The following ZAR1L variants were observed in gnomAD, a reference collection of about 807,000 sequenced individuals.
ZAR1L encodes protein ZAR1-like.
In ZAR1L, 16 loss-of-function variants were observed where a neutral mutation model predicts 30.0. That is an observed-to-expected ratio of 0.53 (90% CI 0.36 to 0.81). ZAR1L has a LOEUF of 0.81. Among genes scored for constraint, ZAR1L ranks in the 30% least tolerant of loss-of-function variants. The pLI, the probability that ZAR1L is intolerant of heterozygous loss-of-function variation, is 0.00. For missense variants in ZAR1L, 392 were observed against 417.2 expected (o/e 0.94, Z 0.53); for synonymous variants, 197 against 166.8 (o/e 1.18, Z -1.40).
At chr13:32,304,163 G>A in intron 5 of ZAR1L, 141 bp from the exon 6 acceptor site, 1 of 771,342 alleles carries the variant, frequency 1.3e-6, no homozygotes, top group East Asian at 2.9e-5. Context: ...CCAAGACCAA[G>A]TTGTACAAAA....
At chr13:32,310,379 A>G (rs1027509734) in intron 4 of ZAR1L, among the ~76,000 whole-genome samples, 2 of 152,250 alleles carry the variant, frequency 1.3e-5, no homozygotes, top group African/African-American at 4.8e-5. Context: ...AAAACTTCCA[A>G]TGTAGACAAG....
At position 32,312,007 on chromosome 13, in the gene ZAR1L, C is replaced by T; in HGVS notation, c.-82G>A. ...ATTTTGCCTTCCTCCTTCATCCGCC[C>T]CTTCTTTCTCTTCATCAGGTTGGTT... On this transcript the variant is annotated 5_prime_UTR_variant, in exon 3 of 6. Transcript: ENST00000533490. The T allele has an allele frequency of 1.4e-6, 2 of 1,401,650 alleles. No individual in the cohort carries two copies. The highest frequency in any genetic ancestry group is 1.9e-6 in the Non-Finnish European group (2 of 1,056,190). The allele number at this position is 1,401,650 out of a possible 1,614,324, so 86.8% of individuals were successfully genotyped here. A position where few individuals can be genotyped will look rare whatever the true frequency, so the allele number is the denominator to read the frequency against.
At chr13:32,304,115 A>C in intron 5 of ZAR1L, 93 bp from the exon 6 acceptor site, 1 of 1,338,038 alleles carries the variant, frequency 7.5e-7, no homozygotes, top group Non-Finnish European at 9.9e-7. Context: ...CTATTACCCT[A>C]TCCCTGAAAC....
chr13:32,308,545 CATTGTTCTAAAATGTAACATCTCA>C, intron 5 of ZAR1L, 117 bp downstream of exon 5: 1 of 613,970 alleles, frequency 1.6e-6, no homozygotes, highest in African/African-American at 1.9e-5. Flanking sequence ...TTTATGCTTT[CATTGTTCTAAAATGTAACATCTCA>C]AACATACAGA....
At chr13:32,309,241 C>T (rs2072196855) in intron 4 of ZAR1L, among the ~76,000 whole-genome samples, 1 of 152,094 alleles carries the variant, frequency 6.6e-6, no homozygotes, top group African/African-American at 2.4e-5. Flanking sequence ...ATCTACCCAC[C>T]TCGGCCTCCC....
At chr13:32,304,862 G>A (rs206137) in intron 5 of ZAR1L, among the ~76,000 whole-genome samples, 4,763 of 148,948 alleles carry the variant, frequency 0.032, 116 homozygotes, top group Non-Finnish European at 0.048. Context: ...AGTCTGGAGT[G>A]CAGTGGTGAG....
chr13:32,304,959 G>A (rs1283072466), intron 5 of ZAR1L, among the ~76,000 whole-genome samples: 3 of 151,784 alleles, frequency 2.0e-5, no homozygotes, highest in Admixed American at 6.6e-5. Flanking sequence ...ACAGGCAATC[G>A]CCACTATGCC....
chr13:32,310,560 C>A (rs2072205067), intron 4 of ZAR1L, 79 bp downstream of exon 4: 3 of 969,232 alleles, frequency 3.1e-6, no homozygotes, highest in South Asian at 2.8e-5. Flanking sequence ...CAGCCATGCT[C>A]CCTCAGGAAT....
intron 5 of ZAR1L, among the ~76,000 whole-genome samples, chr13:32,305,249 CAG>C (rs1325693889): frequency 6.7e-6 from 1 of 150,276 alleles, no homozygotes; most frequent in African/African-American, 2.5e-5. Flanking sequence ...TTTTTTGAGA[CAG>C]AGTCTCGCTC....
At chr13:32,313,886 G>A (rs2072231021) in intron 2 of ZAR1L, among the ~76,000 whole-genome samples, 1 of 152,094 alleles carries the variant, frequency 6.6e-6, no homozygotes, top group Non-Finnish European at 1.5e-5. Flanking sequence ...CATGCCACGG[G>A]TTCTCATTAG....
chr13:32,311,415 G>C lies in ZAR1L; in HGVS notation c.511C>G (p.Arg171Gly). The change falls in exon 3 of 6, where the codon CGG (arginine) becomes GGG (glycine). Residue 171 changes from arginine to glycine, a missense_variant. Transcript: ENST00000533490. ...AEASQPQPPS[R>G]RSGADRQEEP... ...TCCTGCCTGTCAGCTCCTGACCTCC[G>C]TGATGGTGGCTGCGGCTGGCTGGCC... 1.9e-6 allele frequency: 3 copies of C among 1,550,046 alleles called. No homozygotes were observed. The highest frequency in any genetic ancestry group is 2.6e-6 in the Non-Finnish European group (3 of 1,146,926).
chr13:32,303,932 T>C lies in ZAR1L; in HGVS notation c.913A>G (p.Lys305Glu). 1 of 1,551,942 alleles carries C rather than the reference T, an allele frequency of 6.4e-7. No individual in the cohort carries two copies. ...TTGCCACAGGAGAATCTCTTGTCTTTGCAGCGACCACACAGTTCCTGTCGA... is the reference window on the plus strand; with the variant it reads ...TTGCCACAGGAGAATCTCTTGTCTTCGCAGCGACCACACAGTTCCTGTCGA... ...PHRQELCGRC[K>E]DKRFSCGNIY... The change falls in exon 6 of 6, where the codon AAA (lysine) becomes GAA (glutamate). Residue 305 changes from lysine (K) to glutamate (E), a missense_variant. By Grantham distance (56) the Lys-to-Glu change is moderately conservative. Coordinates refer to ENST00000533490, the MANE Select transcript of ZAR1L (RefSeq NM_001136571.2).
chr13:32,310,281 A>G (rs1336399112), intron 4 of ZAR1L, among the ~76,000 whole-genome samples: 2 of 152,272 alleles, frequency 1.3e-5, no homozygotes, highest in Non-Finnish European at 2.9e-5. Context: ...TTTTTCACTT[A>G]TTGCCCCACC....
intron 5 of ZAR1L, among the ~76,000 whole-genome samples, chr13:32,306,655 G>T (rs372168174): frequency 6.6e-6 from 1 of 152,190 alleles, no homozygotes; most frequent in African/African-American, 2.4e-5. Flanking sequence ...CCAAGGCTGG[G>T]CGTGACGGCT....
At chr13:32,308,634 C>T in intron 5 of ZAR1L, 52 bp downstream of exon 5, 1 of 1,334,856 alleles carries the variant, frequency 7.5e-7, no homozygotes, top group Non-Finnish European at 1.0e-6. Flanking sequence ...GTCACAGAGG[C>T]TTCATTTTAG....
chr13:32,312,225 C>T (rs2072218959), intron 2 of ZAR1L, 132 bp from the exon 3 acceptor site: 1 of 361,648 alleles, frequency 2.8e-6, no homozygotes, highest in African/African-American at 2.1e-5. Flanking sequence ...AGCTTATTCA[C>T]ACATATGCTT....
In ZAR1L at chr13:32,311,629, C is replaced by T. The variant is rs775464916; in HGVS notation, c.297G>A (p.Val99=). Reference sequence around the variant, plus strand: ...CCAGAGAGCACTGCACAGCCTTGTCCACCCGCGGGCTCACCTGCACGCCCA... The same window carrying T: ...CCAGAGAGCACTGCACAGCCTTGTCTACCCGCGGGCTCACCTGCACGCCCA... ...KEVGVQVSPR[V]DKAVQCSLGP... The change falls in exon 3 of 6, where the codon GTG becomes GTA. Residue 99 remains valine (V), a synonymous_variant. Coordinates refer to ENST00000533490, the MANE Select transcript of ZAR1L (RefSeq NM_001136571.2). 9.0e-6 allele frequency: 14 copies of T among 1,551,082 alleles called. No individual in the cohort carries two copies. The highest frequency in any genetic ancestry group is 1.2e-5 in the Non-Finnish European group (14 of 1,146,948).
rs1300285362 is a variant in ZAR1L at position 32,311,944 on chromosome 13, G to C, written c.-19C>G. Reference sequence around the variant, plus strand: ...GCTCCATCCGCTCTCAGGTGCTCAGGCGCAGTCTAATATCCTAGCCAGTTT... The same window carrying C: ...GCTCCATCCGCTCTCAGGTGCTCAGCCGCAGTCTAATATCCTAGCCAGTTT... On this transcript the variant is annotated 5_prime_UTR_variant, in exon 3 of 6. Transcript: ENST00000533490. The C allele has an allele frequency of 5.9e-6, 9 of 1,532,050 alleles. No individual in the cohort carries two copies. The East Asian group carries it at 2.0e-4, about 33-fold the overall frequency. 94.9% of individuals were successfully genotyped at this position (1,532,050 alleles called of 1,614,324 possible).
chr13:32,310,769 A>AG (rs1566211208), intron 3 of ZAR1L, 38 bp from the exon 4 acceptor site: 3 of 1,353,396 alleles, frequency 2.2e-6, no homozygotes, highest in Non-Finnish European at 3.1e-6. Context: ...CCATCATGCA[A>AG]GGGGAAAAAA....
Sources: gnomAD v4.1 joint callset for allele counts (sites outside exome capture counted in the v4.1 genomes callset) on GRCh38, gnomAD v4.1.1 for gene constraint, MANE v1.5 for transcripts, NCBI Gene and HGNC (gene_info 2026-07-23, HGNC 2026-07-21) for gene names.